The following CNTN3 variants were observed in gnomAD, a reference collection of about 807,000 sequenced individuals.
CNTN3 encodes the protein contactin 3.
A neutral mutation model predicts 119.1 loss-of-function variants in CNTN3; 60 were observed. The ratio of observed to expected loss-of-function variants is 0.50; its 90% CI spans 0.41 to 0.62. The LOEUF (loss-of-function observed/expected upper bound fraction) is 0.62. CNTN3 is among the 20% of genes least tolerant of loss of function. The probability of loss-of-function intolerance (pLI) is 0.00; values close to 1 mark genes in which losing one functional copy is unlikely to be tolerated. For synonymous variants in CNTN3, 450 were observed against 438.7 expected (o/e 1.03, Z -0.32); for missense variants, 1,101 against 1,242.4 (o/e 0.89, Z 1.71).
At chr3:74,457,793 C>A (rs1352741621) in intron 4 of CNTN3, among the ~76,000 whole-genome samples, 2 of 151,768 alleles carry the variant, frequency 1.3e-5, no homozygotes, top group Non-Finnish European at 2.9e-5. Context: ...TAATACAGGA[C>A]AACAAACAAA....
chr3:74,486,665 G>C, intron 3 of CNTN3, 34 bp from the exon 4 acceptor site: 2 of 1,473,868 alleles, frequency 1.4e-6, no homozygotes, highest in Non-Finnish European at 1.8e-6. Context: ...CCCCCCCTTA[G>C]TATTTTTAAC....
intron 20 of CNTN3, among the ~76,000 whole-genome samples, chr3:74,282,058 T>A (rs1309245705): frequency 1.3e-5 from 2 of 152,216 alleles, no homozygotes; most frequent in Admixed American, 6.5e-5. Context: ...ATCTGCAAAT[T>A]TTATTCATCA....
At chr3:74,333,316 A>G (rs1173986725) in intron 13 of CNTN3, among the ~76,000 whole-genome samples, 2 of 152,230 alleles carry the variant, frequency 1.3e-5, no homozygotes, top group Non-Finnish European at 2.9e-5. Flanking sequence ...CTTAACAGAA[A>G]TGTATCCTCT....
At chr3:74,319,160 A>G (rs1303606389) in intron 13 of CNTN3, among the ~76,000 whole-genome samples, 1 of 152,186 alleles carries the variant, frequency 6.6e-6, no homozygotes, top group Non-Finnish European at 1.5e-5. Context: ...AATTGGAAAA[A>G]ACTACTTTAA....
At chr3:74,281,833 AT>A (rs1338397174) in intron 20 of CNTN3, among the ~76,000 whole-genome samples, 2 of 152,206 alleles carry the variant, frequency 1.3e-5, no homozygotes, top group Non-Finnish European at 2.9e-5. Flanking sequence ...AGGAGAACCA[AT>A]AATTCAGTTT....
At chr3:74,312,720 A>G (rs552914323) in intron 13 of CNTN3, among the ~76,000 whole-genome samples, 2 of 152,220 alleles carry the variant, frequency 1.3e-5, no homozygotes, top group East Asian at 3.9e-4. Flanking sequence ...TTACATTACT[A>G]GAGGCTTATT....
intron 1 of CNTN3, among the ~76,000 whole-genome samples, chr3:74,526,510 G>A (rs1703621466): frequency 8.6e-5 from 13 of 151,952 alleles, no homozygotes; most frequent in Admixed American, 7.9e-4. Context: ...TTCCAGAGAT[G>A]TAGTTCATCC....
At chr3:74,447,230 G>T (rs959886882) in intron 4 of CNTN3, among the ~76,000 whole-genome samples, 1 of 152,180 alleles carries the variant, frequency 6.6e-6, no homozygotes, top group African/African-American at 2.4e-5. Context: ...CAGCTGTACA[G>T]AAAGGAATAC....
intron 11 of CNTN3, among the ~76,000 whole-genome samples, chr3:74,357,432 C>T (rs1256197354): frequency 2.6e-5 from 4 of 151,944 alleles, no homozygotes; most frequent in African/African-American, 9.7e-5. Flanking sequence ...TACAGTCATG[C>T]AGCACCACAC....
intron 1 of CNTN3, among the ~76,000 whole-genome samples, chr3:74,592,719 A>G (rs1351743291): frequency 6.6e-6 from 1 of 152,020 alleles, no homozygotes; most frequent in East Asian, 1.9e-4. Flanking sequence ...ACATCTAACA[A>G]AGAAGTTAAT....
At chr3:74,500,809 A>C (rs1454425901) in intron 2 of CNTN3, among the ~76,000 whole-genome samples, 7 of 152,120 alleles carry the variant, frequency 4.6e-5, no homozygotes, top group Non-Finnish European at 1.5e-5. Flanking sequence ...CAGCTGCTAA[A>C]GCTGAAATTC....
chr3:74,565,628 T>A (rs1346299535), intron 1 of CNTN3, among the ~76,000 whole-genome samples: 1 of 152,120 alleles, frequency 6.6e-6, no homozygotes, highest in Admixed American at 6.6e-5. Context: ...AACCTATTAT[T>A]TTCACTCACA....
At chr3:74,342,662 T>G (rs1703575692) in intron 11 of CNTN3, among the ~76,000 whole-genome samples, 1 of 152,214 alleles carries the variant, frequency 6.6e-6, no homozygotes, top group Non-Finnish European at 1.5e-5. Context: ...CATTTTCACT[T>G]CTATAAAATG....
intron 1 of CNTN3, among the ~76,000 whole-genome samples, chr3:74,594,997 C>A (rs1342074090): frequency 6.6e-6 from 1 of 151,692 alleles, no homozygotes; most frequent in Non-Finnish European, 1.5e-5. Flanking sequence ...TTCTAACTGG[C>A]GTGAGATGGT....
At chr3:74,314,110 T>C (rs1364086804) in intron 13 of CNTN3, among the ~76,000 whole-genome samples, 4 of 152,140 alleles carry the variant, frequency 2.6e-5, no homozygotes, top group Non-Finnish European at 5.9e-5. Flanking sequence ...CTGTGGGAGT[T>C]AGGATTTCAA....
chr3:74,586,114 T>C (rs1174806207), intron 1 of CNTN3, among the ~76,000 whole-genome samples: 2 of 152,030 alleles, frequency 1.3e-5, no homozygotes, highest in Admixed American at 1.3e-4. Context: ...AAGCAACATA[T>C]CCTTATCTTG....
intron 1 of CNTN3, among the ~76,000 whole-genome samples, chr3:74,525,700 T>G (rs748545453): frequency 6.6e-6 from 1 of 151,916 alleles, no homozygotes; most frequent in Non-Finnish European, 1.5e-5. Flanking sequence ...CACGTTCTCA[T>G]GGCAATCTTT....
intron 13 of CNTN3, among the ~76,000 whole-genome samples, chr3:74,318,351 T>C (rs990331076): frequency 1.3e-5 from 2 of 152,226 alleles, no homozygotes; most frequent in Non-Finnish European, 2.9e-5. Flanking sequence ...AAAGTCATTC[T>C]CCATCTAGCT....
intron 4 of CNTN3, among the ~76,000 whole-genome samples, chr3:74,461,759 C>T (rs1052051473): frequency 6.6e-6 from 1 of 152,032 alleles, no homozygotes; most frequent in Admixed American, 6.6e-5. Context: ...ATGATAGACA[C>T]TAGTGTTAAA....
Sources: gnomAD v4.1 joint callset for allele counts (sites outside exome capture counted in the v4.1 genomes callset) on GRCh38, gnomAD v4.1.1 for gene constraint, MANE v1.5 for transcripts, NCBI Gene and HGNC (gene_info 2026-07-23, HGNC 2026-07-21) for gene names.